Variants in ATP2C2 observed in about 807,000 individuals in gnomAD.
ATP2C2 encodes calcium-transporting ATPase type 2C member 2.
ATP2C2 carries 171 observed loss-of-function variants against 110.8 expected under a neutral mutation model. The observed-to-expected ratio is 1.54, with a 90% confidence interval of 1.36 to 1.75. The LOEUF is 1.75. Among genes scored for constraint, ATP2C2 ranks in the 40% most tolerant of loss-of-function variants. ATP2C2 has a pLI of 0.00. For missense variants in ATP2C2, 1,963 were observed against 1,235.0 expected, an observed-to-expected ratio of 1.59 and a Z score of -8.84; for synonymous variants, 804 against 508.4, an observed-to-expected ratio of 1.58 and a Z score of -7.82.
intron 10 of ATP2C2, among the ~76,000 whole-genome samples, chr16:84,424,786 T>A (rs1907664699): frequency 1.3e-5 from 2 of 152,050 alleles, no homozygotes. Flanking sequence ...GCTACTAATG[T>A]ATAGACACAG....
intron 20 of ATP2C2, among the ~76,000 whole-genome samples, chr16:84,453,792 A>C (rs756812938): frequency 1.3e-5 from 2 of 152,152 alleles, no homozygotes; most frequent in Non-Finnish European, 2.9e-5. Flanking sequence ...GGGAGCTGTA[A>C]TTGGATAACG....
chr16:84,423,097 A>G, intron 9 of ATP2C2, 91 bp from the exon 10 acceptor site: 1 of 1,077,156 alleles, frequency 9.3e-7, no homozygotes, highest in East Asian at 2.4e-5. Context: ...TCATCACTGA[A>G]GCTGTAGGAT....
chr16:84,374,718 G>T (rs1168916123), intron 1 of ATP2C2, among the ~76,000 whole-genome samples: 1 of 152,130 alleles, frequency 6.6e-6, no homozygotes, highest in Non-Finnish European at 1.5e-5. Context: ...ATTGTTTGTA[G>T]ATTTGGTATT....
At chr16:84,392,942 T>C (rs1597750135) in intron 1 of ATP2C2, among the ~76,000 whole-genome samples, 1 of 152,164 alleles carries the variant, frequency 6.6e-6, no homozygotes, top group South Asian at 2.1e-4. Flanking sequence ...AGGAGATGTG[T>C]TTGGCTGCCT....
chr16:84,406,401 C>A (rs565351888), intron 3 of ATP2C2, among the ~76,000 whole-genome samples: 4 of 152,204 alleles, frequency 2.6e-5, no homozygotes, highest in African/African-American at 9.6e-5. Flanking sequence ...TTTGCATGCT[C>A]TTGGCCCCAT....
chr16:84,404,644 G>A, intron 2 of ATP2C2: 1 of 314,004 alleles, frequency 3.2e-6, no homozygotes, highest in South Asian at 2.8e-5. Flanking sequence ...TTTGTGAACA[G>A]TGCTACGAAC....
chr16:84,401,667 C>T (rs1476562557), intron 2 of ATP2C2, among the ~76,000 whole-genome samples: 1 of 152,110 alleles, frequency 6.6e-6, no homozygotes, highest in East Asian at 1.9e-4. Flanking sequence ...TCTGGGTTCT[C>T]TATTCTGTTT....
intron 1 of ATP2C2, among the ~76,000 whole-genome samples, chr16:84,379,963 A>C (rs1459389219): frequency 1.3e-5 from 2 of 152,140 alleles, no homozygotes; most frequent in African/African-American, 2.4e-5. Flanking sequence ...ATCTGGGAAG[A>C]CTTCCTGGAG....
intron 7 of ATP2C2, among the ~76,000 whole-genome samples, chr16:84,421,298 C>T (rs1445542151): frequency 6.6e-6 from 1 of 152,206 alleles, no homozygotes; most frequent in African/African-American, 2.4e-5. Flanking sequence ...GCTGTGGGGT[C>T]CACTGGGAAG....
At position 84,388,692 on chromosome 16, in the gene ATP2C2, C is replaced by G. The variant is rs1386239953; in HGVS notation, c.100-9807C>G. ...GTTTTGTTCTTGTGTCATTCTGACTCTTGCATTGATTCTCTCCAAAGGCAT... is the reference window on the plus strand; with the variant it reads ...GTTTTGTTCTTGTGTCATTCTGACTGTTGCATTGATTCTCTCCAAAGGCAT... On this transcript the variant is annotated intron_variant, in intron 1 of 26. Coordinates refer to ENST00000262429, the MANE Select transcript of ATP2C2 (RefSeq NM_014861.4). Among the ~76,000 whole-genome samples, 4 of 152,216 alleles carry G rather than the reference C, an allele frequency of 2.6e-5. No homozygotes were observed. The East Asian group carries it at 7.7e-4, about 29-fold the overall frequency.
intron 23 of ATP2C2, chr16:84,460,025 C>T (rs548724163): frequency 4.5e-4 from 97 of 214,012 alleles, no homozygotes; most frequent in African/African-American, 2.1e-3. Context: ...GAGCACAGAG[C>T]CAGTGCTTCC....
At chr16:84,451,184 C>G (rs1236266226) in intron 17 of ATP2C2, among the ~76,000 whole-genome samples, 2 of 152,100 alleles carry the variant, frequency 1.3e-5, no homozygotes, top group Admixed American at 6.5e-5. Flanking sequence ...GAGAGCCAAG[C>G]CTAAGGGGAA....
chr16:84,444,723 T>A (rs1302413777), intron 15 of ATP2C2, among the ~76,000 whole-genome samples: 2 of 151,676 alleles, frequency 1.3e-5, no homozygotes, highest in Admixed American at 1.3e-4. Context: ...GGAGAGAGGT[T>A]CCAGCACCCA....
At chr16:84,421,197 C>A (rs1907305126) in intron 7 of ATP2C2, among the ~76,000 whole-genome samples, 1 of 152,196 alleles carries the variant, frequency 6.6e-6, no homozygotes, top group South Asian at 2.1e-4. Flanking sequence ...CGCTCAGTGA[C>A]TTCTTATGCT....
chr16:84,438,118 AT>A (rs141717658), intron 11 of ATP2C2, among the ~76,000 whole-genome samples: 2,562 of 152,320 alleles, frequency 0.017, 77 homozygotes, highest in African/African-American at 0.059. Flanking sequence ...TGGCTCATCC[AT>A]TTGTTCACTG....
At chr16:84,411,809 T>C (rs1906321141) in intron 6 of ATP2C2, among the ~76,000 whole-genome samples, 1 of 152,236 alleles carries the variant, frequency 6.6e-6, no homozygotes, top group Non-Finnish European at 1.5e-5. Context: ...ACCTAGTGGC[T>C]ACCATATTGG....
intron 1 of ATP2C2, among the ~76,000 whole-genome samples, chr16:84,396,263 G>A (rs577427197): frequency 7.2e-5 from 11 of 151,880 alleles, no homozygotes; most frequent in Non-Finnish European, 1.2e-4. Flanking sequence ...TATGTGTTTC[G>A]AGCCAGGTGC....
intron 10 of ATP2C2, among the ~76,000 whole-genome samples, chr16:84,425,305 A>C (rs1184773493): frequency 6.6e-6 from 1 of 152,182 alleles, no homozygotes; most frequent in Non-Finnish European, 1.5e-5. Context: ...GAAAATGGAA[A>C]TGGAGTATAT....
chr16:84,390,493 G>A (rs952290162), intron 1 of ATP2C2, among the ~76,000 whole-genome samples: 1 of 152,216 alleles, frequency 6.6e-6, no homozygotes, highest in African/African-American at 2.4e-5. Flanking sequence ...CGCCCGCGTG[G>A]GTCTATCTGC....
Sources: gnomAD v4.1 joint callset for allele counts (sites outside exome capture counted in the v4.1 genomes callset) on GRCh38, gnomAD v4.1.1 for gene constraint, MANE v1.5 for transcripts, NCBI Gene and HGNC (gene_info 2026-07-23, HGNC 2026-07-21) for gene names.